The following LUZP2 variants were observed in gnomAD, a reference collection of about 807,000 sequenced individuals.
LUZP2 encodes the protein leucine zipper protein 2.
LUZP2 carries 52 observed loss-of-function variants against 51.6 expected under a neutral mutation model. The ratio of observed to expected loss-of-function variants is 1.01; its 90% CI spans 0.81 to 1.27. LUZP2 has a LOEUF of 1.27. LUZP2 is among the 50% of genes most tolerant of loss of function. The pLI is 0.00. For synonymous variants in LUZP2, 154 were observed against 137.3 expected (o/e 1.12, Z -0.85); for missense variants, 436 against 395.4 (o/e 1.10, Z -0.87).
chr11:25,004,188 C>A (rs889560055), intron 9 of LUZP2, among the ~76,000 whole-genome samples: 1 of 152,166 alleles, frequency 6.6e-6, no homozygotes, highest in Non-Finnish European at 1.5e-5. Flanking sequence ...CCCAGAGAAA[C>A]TTTGTCTTCT....
At chr11:24,710,792 AT>A (rs1163369338) in intron 1 of LUZP2, among the ~76,000 whole-genome samples, 1 of 152,156 alleles carries the variant, frequency 6.6e-6, no homozygotes, top group East Asian at 1.9e-4. Flanking sequence ...TGTTTCTATC[AT>A]ACTTTAAATG....
intron 5 of LUZP2, among the ~76,000 whole-genome samples, chr11:24,797,730 A>G (rs544784857): frequency 2.6e-5 from 4 of 152,158 alleles, no homozygotes; most frequent in East Asian, 1.9e-4. Flanking sequence ...GATAACAACA[A>G]CTTTTAGGAT....
intron 10 of LUZP2, among the ~76,000 whole-genome samples, chr11:25,061,384 A>G (rs772390001): frequency 8.5e-5 from 13 of 152,200 alleles, no homozygotes; most frequent in African/African-American, 1.2e-4. Context: ...AGGTTATTCT[A>G]GAGGTGTTGG....
chr11:24,813,923 G>T (rs1473696992), intron 5 of LUZP2, among the ~76,000 whole-genome samples: 3 of 152,180 alleles, frequency 2.0e-5, no homozygotes, highest in Non-Finnish European at 4.4e-5. Flanking sequence ...ACTTCCCTGT[G>T]CCTCAGTTTG....
chr11:24,806,721 C>A (rs1212663069), intron 5 of LUZP2, among the ~76,000 whole-genome samples: 1 of 151,988 alleles, frequency 6.6e-6, no homozygotes, highest in Non-Finnish European at 1.5e-5. Context: ...TCTATCAATT[C>A]TCCCAATAGC....
intron 10 of LUZP2, among the ~76,000 whole-genome samples, chr11:25,064,094 T>A (rs1405110573): frequency 6.6e-6 from 1 of 151,940 alleles, no homozygotes; most frequent in Non-Finnish European, 1.5e-5. Context: ...GTCTGCTTGT[T>A]TACAAAGCAC....
At chr11:24,876,272 G>T (rs976488521) in intron 5 of LUZP2, among the ~76,000 whole-genome samples, 3 of 149,514 alleles carry the variant, frequency 2.0e-5, no homozygotes, top group Non-Finnish European at 4.5e-5. Flanking sequence ...ATTAATTTTT[G>T]TATAAGATGT....
intron 7 of LUZP2, among the ~76,000 whole-genome samples, chr11:24,951,452 T>C (rs1278318267): frequency 6.6e-6 from 1 of 151,528 alleles, no homozygotes; most frequent in African/African-American, 2.4e-5. Context: ...TGCTTTTAAG[T>C]TATATTTTAC....
intron 5 of LUZP2, among the ~76,000 whole-genome samples, chr11:24,880,404 G>T (rs910925407): frequency 6.6e-6 from 1 of 152,150 alleles, no homozygotes; most frequent in African/African-American, 2.4e-5. Flanking sequence ...GTTAAAACTA[G>T]GTACTGTGAA....
At chr11:24,924,600 A>G (rs1854171937) in intron 7 of LUZP2, among the ~76,000 whole-genome samples, 1 of 152,088 alleles carries the variant, frequency 6.6e-6, no homozygotes, top group Non-Finnish European at 1.5e-5. Context: ...TTAGAAGTTT[A>G]TTTTGCCAAG....
chr11:24,629,898 A>T (rs984394483), intron 1 of LUZP2, among the ~76,000 whole-genome samples: 2 of 151,890 alleles, frequency 1.3e-5, no homozygotes, highest in African/African-American at 4.8e-5. Flanking sequence ...TGAGTTGGGT[A>T]TGATAAAGTA....
intron 1 of LUZP2, among the ~76,000 whole-genome samples, chr11:24,707,995 A>G (rs1857661421): frequency 6.6e-6 from 1 of 152,012 alleles, no homozygotes; most frequent in African/African-American, 2.4e-5. Context: ...ACTAATTCTG[A>G]CTGGCTAATT....
At chr11:24,680,909 A>G (rs1472950996) in intron 1 of LUZP2, among the ~76,000 whole-genome samples, 2 of 152,046 alleles carry the variant, frequency 1.3e-5, no homozygotes, top group Non-Finnish European at 2.9e-5. Flanking sequence ...TGTAACAACA[A>G]CTGTCATGAA....
intron 7 of LUZP2, among the ~76,000 whole-genome samples, chr11:24,941,703 G>A (rs1322361126): frequency 6.6e-6 from 1 of 151,906 alleles, no homozygotes; most frequent in Non-Finnish European, 1.5e-5. Flanking sequence ...ATCCCCATCA[G>A]AAAGAAAAAA....
chr11:24,918,528 C>G (rs1853877973), intron 7 of LUZP2, among the ~76,000 whole-genome samples: 1 of 151,916 alleles, frequency 6.6e-6, no homozygotes, highest in South Asian at 2.1e-4. Flanking sequence ...ATGCTAAAAA[C>G]TCTCAATAAA....
intron 7 of LUZP2, among the ~76,000 whole-genome samples, chr11:24,956,385 T>A (rs1025221856): frequency 2.0e-5 from 3 of 152,074 alleles, no homozygotes; most frequent in Admixed American, 1.3e-4. Flanking sequence ...GGATTTCTTA[T>A]TTCTAGAATT....
chr11:25,003,570 G>A (rs911923844), intron 9 of LUZP2, among the ~76,000 whole-genome samples: 2 of 152,094 alleles, frequency 1.3e-5, no homozygotes, highest in African/African-American at 4.8e-5. Flanking sequence ...GGTGTTGCAG[G>A]GACTGTTGCA....
chr11:24,871,944 C>A (rs1446980255), intron 5 of LUZP2, among the ~76,000 whole-genome samples: 2 of 152,104 alleles, frequency 1.3e-5, no homozygotes, highest in Admixed American at 6.6e-5. Context: ...TGTAATCTAA[C>A]CTTGCTAAGG....
intron 1 of LUZP2, among the ~76,000 whole-genome samples, chr11:24,665,073 A>G (rs1333232957): frequency 6.6e-6 from 1 of 152,210 alleles, no homozygotes; most frequent in Admixed American, 6.5e-5. Context: ...AGCCAGGAGC[A>G]TGGCTGTACC....
Sources: gnomAD v4.1 joint callset for allele counts (sites outside exome capture counted in the v4.1 genomes callset) on GRCh38, gnomAD v4.1.1 for gene constraint, MANE v1.5 for transcripts, NCBI Gene and HGNC (gene_info 2026-07-23, HGNC 2026-07-21) for gene names.